Variants in RNF8 observed in about 807,000 individuals in gnomAD.
The protein encoded by RNF8 is E3 ubiquitin-protein ligase RNF8.
In RNF8, 8 loss-of-function variants were observed where a neutral mutation model predicts 59.3. The observed-to-expected ratio is 0.13, with a 90% CI of 0.08 to 0.24. RNF8 has a LOEUF of 0.24. Ranked by LOEUF, RNF8 falls within the 10% of genes least tolerant of loss-of-function variation. The probability of loss-of-function intolerance (pLI) is 1.00; values close to 1 mark genes in which losing one functional copy is unlikely to be tolerated. For synonymous variants in RNF8, 162 were observed against 200.0 expected (o/e 0.81, Z 1.60); for missense variants, 406 against 572.6 (o/e 0.71, Z 2.97).
intron 1 of RNF8, 136 bp downstream of exon 1, chr6:37,354,411 T>G: frequency 8.3e-6 from 5 of 600,384 alleles, no homozygotes; most frequent in African/African-American, 2.2e-5. Flanking sequence ...GCGAAGTGTC[T>G]GTGGGGGGGG....
intron 7 of RNF8, among the ~76,000 whole-genome samples, chr6:37,381,827 A>G (rs1478475611): frequency 2.0e-5 from 3 of 152,220 alleles, no homozygotes; most frequent in Non-Finnish European, 4.4e-5. Context: ...GGTCAGCCAG[A>G]ATGGAGGCAG....
chr6:37,365,415 A>G (rs1769507397), intron 2 of RNF8, among the ~76,000 whole-genome samples: 1 of 152,220 alleles, frequency 6.6e-6, no homozygotes, highest in South Asian at 2.1e-4. Context: ...CTTTTAAAAT[A>G]CTGATACTTA....
At chr6:37,364,935 A>G (rs1769486909) in intron 2 of RNF8, among the ~76,000 whole-genome samples, 1 of 151,970 alleles carries the variant, frequency 6.6e-6, no homozygotes, top group African/African-American at 2.4e-5. Context: ...ACGCCTGGCT[A>G]ATTTTTGTCT....
chr6:37,381,114 A>G, intron 6 of RNF8, 36 bp from the exon 7 acceptor site: 1 of 1,567,644 alleles, frequency 6.4e-7, no homozygotes, highest in East Asian at 2.2e-5. Flanking sequence ...AGTAAGCATG[A>G]AAGTTCTGAT....
At chr6:37,367,386 A>T (rs1769602077) in intron 2 of RNF8, among the ~76,000 whole-genome samples, 1 of 152,188 alleles carries the variant, frequency 6.6e-6, no homozygotes, top group Non-Finnish European at 1.5e-5. Flanking sequence ...CATTAAAACC[A>T]TAAAAGTAAA....
At position 37,354,082 on chromosome 6, in the gene RNF8, G is replaced by A. The variant is rs1454254833; in HGVS notation, c.-83G>A. ...TGCTTCTGTCTGTTATTTAGATATGGAAGCTGAGGGGATGCACAGAGGCAG... is the reference window on the plus strand; with the variant it reads ...TGCTTCTGTCTGTTATTTAGATATGAAAGCTGAGGGGATGCACAGAGGCAG... On this transcript the variant is annotated 5_prime_UTR_variant, in exon 1 of 8. Coordinates refer to ENST00000373479, the MANE Select transcript of RNF8 (RefSeq NM_003958.4). 2 of 1,112,824 alleles carry A rather than the reference G, an allele frequency of 1.8e-6. No homozygotes were observed. The highest frequency in any genetic ancestry group is 3.1e-5 in the African/African-American group (2 of 64,424). The allele number at this position is 1,112,824 out of a possible 1,614,324, so 68.9% of individuals were successfully genotyped here.
At chr6:37,379,359 C>T (rs1230612133) in intron 6 of RNF8, among the ~76,000 whole-genome samples, 2 of 152,130 alleles carry the variant, frequency 1.3e-5, no homozygotes, top group African/African-American at 4.8e-5. Context: ...GAGCTTGTCT[C>T]ATGTAATAAA....
intron 2 of RNF8, chr6:37,361,668 G>C (rs1477423387): frequency 3.3e-6 from 1 of 302,534 alleles, no homozygotes; most frequent in Non-Finnish European, 6.4e-6. Flanking sequence ...GGTACCATTA[G>C]AAGGGAGGGT....
rs1341190648 is a variant in RNF8 at position 37,356,465 on chromosome 6, TA to T, written c.111+2194del. Reference sequence around the variant, plus strand: ...GTCTCAGATGTTGTGGATAAAATAATAAAACAGGGTTCCTTTCATTTCATTG... The same window carrying T: ...GTCTCAGATGTTGTGGATAAAATAATAAACAGGGTTCCTTTCATTTCATTG... On this transcript the variant is annotated intron_variant, in intron 1 of 7. Transcript: ENST00000373479. Among the ~76,000 whole-genome samples the T allele has an allele frequency of 6.6e-5, 10 of 152,338 alleles. 1 individual carries two copies. In the East Asian group the frequency reaches 1.7e-3, roughly 26 times the overall value.
intron 7 of RNF8, among the ~76,000 whole-genome samples, chr6:37,389,971 T>TTTGG (rs1049145634): frequency 5.3e-5 from 8 of 152,190 alleles, no homozygotes; most frequent in African/African-American, 1.9e-4. Context: ...AAGGGGACAA[T>TTTGG]TTGGTTGGTG....
At chr6:37,383,642 A>C (rs574883574) in intron 7 of RNF8, among the ~76,000 whole-genome samples, 89 of 152,252 alleles carry the variant, frequency 5.8e-4, no homozygotes, top group African/African-American at 1.7e-3. Flanking sequence ...TGTTAGTGGG[A>C]GGAGTAGAGT....
At chr6:37,366,824 G>A (rs539225470) in intron 2 of RNF8, among the ~76,000 whole-genome samples, 2 of 152,216 alleles carry the variant, frequency 1.3e-5, no homozygotes, top group East Asian at 1.9e-4. Flanking sequence ...TCCTTGATAC[G>A]GGTTAAAATG....
At chr6:37,387,882 G>T (rs963704165) in intron 7 of RNF8, among the ~76,000 whole-genome samples, 10 of 152,182 alleles carry the variant, frequency 6.6e-5, no homozygotes, top group African/African-American at 2.2e-4. Flanking sequence ...AAAGCAAGGG[G>T]TTTTTAGGGG....
At chr6:37,385,490 G>C (rs546190773) in intron 7 of RNF8, among the ~76,000 whole-genome samples, 109 of 151,764 alleles carry the variant, frequency 7.2e-4, no homozygotes, top group Non-Finnish European at 1.4e-3. Flanking sequence ...AGCCGGGCGT[G>C]GTGGTGCACA....
At chr6:37,387,738 G>T (rs1390709555) in intron 7 of RNF8, among the ~76,000 whole-genome samples, 5 of 152,200 alleles carry the variant, frequency 3.3e-5, no homozygotes, top group Admixed American at 3.3e-4. Context: ...TGGAACTTTT[G>T]CTCTAAGTGC....
At position 37,392,659 on chromosome 6, in the gene RNF8, C is replaced by G. The variant is rs1770758458; in HGVS notation, c.*1901C>G. 2.5e-6 allele frequency: 1 copy of G among 398,416 alleles called. No individual in the cohort carries two copies. The highest frequency in any genetic ancestry group is 2.1e-5 in the African/African-American group (1 of 48,596). 24.7% of individuals were successfully genotyped at this position (398,416 alleles called of 1,614,324 possible). ...AGTTTCCTTTCTTTATTACAGCTGCCTGTTTTTTCATTGTGTATTTGCACC... is the reference window on the plus strand; with the variant it reads ...AGTTTCCTTTCTTTATTACAGCTGCGTGTTTTTTCATTGTGTATTTGCACC... On this transcript the variant is annotated 3_prime_UTR_variant, in exon 8 of 8. Coordinates refer to ENST00000373479, the MANE Select transcript of RNF8 (RefSeq NM_003958.4).
chr6:37,356,863 G>A (rs1010196612), intron 1 of RNF8, among the ~76,000 whole-genome samples: 1 of 152,078 alleles, frequency 6.6e-6, no homozygotes, highest in Non-Finnish European at 1.5e-5. Flanking sequence ...CTCAGCCTCC[G>A]AAGTAGCTGG....
chr6:37,388,326 T>C (rs542552747), intron 7 of RNF8, among the ~76,000 whole-genome samples: 1 of 152,282 alleles, frequency 6.6e-6, no homozygotes, highest in Non-Finnish European at 1.5e-5. Context: ...TTTACTAAAA[T>C]AGGAGTAGTT....
chr6:37,358,505 C>T (rs573775288), intron 1 of RNF8, among the ~76,000 whole-genome samples: 89 of 152,138 alleles, frequency 5.8e-4, no homozygotes, highest in African/African-American at 2.0e-3. Context: ...GAATTATAGC[C>T]CATATAATTT....
Sources: gnomAD v4.1 joint callset for allele counts (sites outside exome capture counted in the v4.1 genomes callset) on GRCh38, gnomAD v4.1.1 for gene constraint, MANE v1.5 for transcripts, NCBI Gene and HGNC (gene_info 2026-07-23, HGNC 2026-07-21) for gene names.